Variants in SYBU observed in about 807,000 individuals in gnomAD.
The protein encoded by SYBU is syntabulin.
Under a neutral mutation model 35.9 loss-of-function variants are expected in SYBU, and 21 were observed. The ratio of observed to expected loss-of-function variants is 0.58; its 90% CI spans 0.41 to 0.84. The LOEUF is 0.84. Ranked by LOEUF, SYBU falls within the 40% of genes least tolerant of loss-of-function variation. The pLI is 0.00. For synonymous variants in SYBU, 319 were observed against 324.3 expected (o/e 0.98, Z 0.18); for missense variants, 768 against 848.2 (o/e 0.91, Z 1.17).
At chr8:109,600,065 A>G (rs921295559) in intron 3 of SYBU, among the ~76,000 whole-genome samples, 1 of 152,154 alleles carries the variant, frequency 6.6e-6, no homozygotes, top group African/African-American at 2.4e-5. Flanking sequence ...CCCACCAAGA[A>G]TTTAACAAGT....
intron 2 of SYBU, among the ~76,000 whole-genome samples, chr8:109,632,718 T>C (rs745790032): frequency 1.3e-5 from 2 of 152,196 alleles, no homozygotes; most frequent in Non-Finnish European, 2.9e-5. Context: ...ACATTCATAA[T>C]ACAAAATTCT....
chr8:109,638,862 T>C (rs57962861), intron 2 of SYBU, among the ~76,000 whole-genome samples: 11,655 of 152,116 alleles, frequency 0.077, 1,363 homozygotes, highest in African/African-American at 0.25. Flanking sequence ...CAAAGAAATT[T>C]CGCTAAGAAG....
At chr8:109,579,729 T>TG in intron 5 of SYBU, 70 bp downstream of exon 5, 1 of 1,427,482 alleles carries the variant, frequency 7.0e-7, no homozygotes, top group Non-Finnish European at 9.8e-7. Flanking sequence ...AACTTTTTTT[T>TG]TTCTTTTTTA....
chr8:109,627,152 T>TGG lies in SYBU; in HGVS notation c.230-8115_230-8114dup, dbSNP rs34706230. Among the ~76,000 whole-genome samples, 34 of 152,040 alleles carry TGG rather than the reference T, an allele frequency of 2.2e-4. No homozygotes were observed. The East Asian group carries it at 4.8e-3, about 22-fold the overall frequency. On this transcript the variant is annotated intron_variant, in intron 2 of 6. Transcript: ENST00000276646. ...TCGATGTTCAGTTGTATAATTTTTGTGGGGGGGAAGTTATTGCTAGTTTAA... is the reference window on the plus strand; with the variant it reads ...TCGATGTTCAGTTGTATAATTTTTGTGGGGGGGGGAAGTTATTGCTAGTTTAA...
At chr8:109,627,704 G>A (rs1449979483) in intron 2 of SYBU, among the ~76,000 whole-genome samples, 2 of 152,160 alleles carry the variant, frequency 1.3e-5, no homozygotes. Context: ...GGAAACATCA[G>A]CAATTCTGGG....
exon 1 of SYBU, chr8:109,680,711 C>T (rs1817373186): frequency 6.6e-6 from 1 of 152,198 alleles, no homozygotes; most frequent in Non-Finnish European, 1.5e-5. Flanking sequence ...GCAAACTTAC[C>T]TCTTGGGAAG....
chr8:109,655,273 TG>T (rs1393644024), intron 1 of SYBU, among the ~76,000 whole-genome samples: 9 of 152,264 alleles, frequency 5.9e-5, no homozygotes, highest in African/African-American at 1.9e-4. Flanking sequence ...GCCAGAGTCA[TG>T]GCATTTGCTC....
At chr8:109,606,338 T>C (rs1826065396) in intron 3 of SYBU, among the ~76,000 whole-genome samples, 1 of 152,222 alleles carries the variant, frequency 6.6e-6, no homozygotes, top group Non-Finnish European at 1.5e-5. Context: ...TTGTATGCCA[T>C]ATGCCATTGA....
At position 109,670,369 on chromosome 8, in the gene SYBU, G is replaced by T. The variant is rs1338302086; in HGVS notation, c.-129+10342C>A. Among the ~76,000 whole-genome samples the T allele has an allele frequency of 6.1e-5, 9 of 147,498 alleles. 1 individual carries two copies. The highest frequency in any genetic ancestry group is 6.1e-4 in the Admixed American group (9 of 14,872). ...CCCATTAACTCATCATTTACATTAG[G>T]TATATCTAAAAAAAAATAAAAAAAT... On this transcript the variant is annotated intron_variant, in intron 1 of 5. Coordinates refer to the SYBU transcript ENST00000408889.
intron 3 of SYBU, among the ~76,000 whole-genome samples, chr8:109,604,281 C>G (rs1459279523): frequency 1.3e-5 from 2 of 152,038 alleles, no homozygotes; most frequent in African/African-American, 2.4e-5. Context: ...AGTTCAAATC[C>G]CTAAGTGTCT....
At chr8:109,663,258 C>CATACATATAGAT (rs1282405275) in intron 1 of SYBU, among the ~76,000 whole-genome samples, 2,657 of 149,136 alleles carry the variant, frequency 0.018, 70 homozygotes, top group African/African-American at 0.058. Context: ...AAAATACATA[C>CATACATATAGAT]AGATAGATAG....
At chr8:109,645,262 CG>C (rs1237803053), upstream of SYBU, 2 of 456,582 alleles carry the variant, frequency 4.4e-6, no homozygotes, top group Non-Finnish European at 8.8e-6. Context: ...CTGCCTCGCC[CG>C]AGAGCTGCAG....
intron 3 of SYBU, among the ~76,000 whole-genome samples, chr8:109,595,171 A>C (rs1380282449): frequency 1.3e-5 from 2 of 152,210 alleles, no homozygotes; most frequent in Non-Finnish European, 2.9e-5. Context: ...ATCTGGAAGA[A>C]CTTAGAACAG....
At position 109,584,479 on chromosome 8, in the gene SYBU, ATAATTTCTTGAG is replaced by A. The variant is rs1323105503; in HGVS notation, c.530+1569_530+1580del. Among the ~76,000 whole-genome samples the A allele has an allele frequency of 3.9e-5, 6 of 152,062 alleles. No homozygotes were observed. The highest frequency in any genetic ancestry group is 1.4e-4 in the African/African-American group (6 of 41,394). ...TGATACTTTGTTCCATGTGTATGTC[ATAATTTCTTGAG>A]TGGGTTATATAAATGGTTTATTCTT... On this transcript the variant is annotated intron_variant, in intron 4 of 6. Coordinates refer to ENST00000276646, the MANE Select transcript of SYBU (RefSeq NM_001099754.2). This position sits in a 1 kb window ranked among gnomAD's most constrained non-coding sequence, Gnocchi z 4.0.
chr8:109,664,813 T>C (rs1477796039), intron 1 of SYBU, among the ~76,000 whole-genome samples: 3 of 152,080 alleles, frequency 2.0e-5, no homozygotes. Flanking sequence ...GCTAGGGAAG[T>C]AGAAGGTTGC....
At chr8:109,678,782 G>C (rs1817296573) in intron 1 of SYBU, among the ~76,000 whole-genome samples, 1 of 152,086 alleles carries the variant, frequency 6.6e-6, no homozygotes, top group Non-Finnish European at 1.5e-5. Context: ...TTCTTACTAA[G>C]GCAGAGGTTC....
chr8:109,653,539 A>G (rs1816235577), intron 1 of SYBU, among the ~76,000 whole-genome samples: 1 of 152,146 alleles, frequency 6.6e-6, no homozygotes, highest in East Asian at 1.9e-4. Flanking sequence ...ATGGTGGGAA[A>G]ACCCCACAAC....
chr8:109,618,721 G>T, intron 3 of SYBU, 121 bp downstream of exon 3: 1 of 907,204 alleles, frequency 1.1e-6, no homozygotes, highest in Non-Finnish European at 1.8e-6. Flanking sequence ...TAAAAATGAT[G>T]CTTTAGATGC....
chr8:109,630,097 A>C (rs965094879), intron 2 of SYBU, among the ~76,000 whole-genome samples: 1 of 151,972 alleles, frequency 6.6e-6, no homozygotes, highest in African/African-American at 2.4e-5. Flanking sequence ...GCAGCCATAA[A>C]AAATGATGAG....
Sources: allele counts gnomAD v4.1 joint callset (sites outside exome capture counted in the v4.1 genomes callset), GRCh38; gene constraint gnomAD v4.1.1; non-coding constraint Gnocchi (gnomAD v3.1); transcripts MANE v1.5; gene names NCBI Gene and HGNC (gene_info 2026-07-23, HGNC 2026-07-21).